Variants in ATXN1 observed in about 807,000 individuals in gnomAD.
The protein encoded by ATXN1 is ataxin 1.
Under a neutral mutation model 56.4 loss-of-function variants are expected in ATXN1, and 8 were observed. The observed-to-expected ratio is 0.14, with a 90% CI of 0.08 to 0.26. The LOEUF (loss-of-function observed/expected upper bound fraction) is 0.26, where lower values mean the gene tolerates loss of function less well. Among genes scored for constraint, ATXN1 ranks in the 10% least tolerant of loss-of-function variants. ATXN1 has a pLI of 1.00. For synonymous variants in ATXN1, 514 were observed against 494.6 expected (o/e 1.04, Z -0.52); for missense variants, 987 against 1,106.5 (o/e 0.89, Z 1.53).
rs974849640 is a variant in ATXN1, at chr6:16,604,412, T to C, written c.-488-18505A>G. 1.6e-4 allele frequency among the ~76,000 whole-genome samples: 25 copies of C among 151,662 alleles called. 1 individual carries two copies. Among genetic ancestry groups the C allele is most frequent in the African/African-American group, 5.3e-4 (22 of 41,344 alleles). On this transcript the variant is annotated intron_variant, in intron 3 of 7. Transcript: ENST00000436367. ...TCAACTGACTGAGGTGGTAGGACCA[T>C]TGCTTGAGCCCAGGAGTTCGAGGCT...
At chr6:16,624,900 A>G (rs1763381640) in intron 3 of ATXN1, among the ~76,000 whole-genome samples, 2 of 152,210 alleles carry the variant, frequency 1.3e-5, no homozygotes, top group African/African-American at 4.8e-5. Flanking sequence ...ATTCTCATCA[A>G]ACTGCAGCTT....
At chr6:16,660,565 T>C (rs1416148093) in intron 2 of ATXN1, among the ~76,000 whole-genome samples, 1 of 152,216 alleles carries the variant, frequency 6.6e-6, no homozygotes, top group Non-Finnish European at 1.5e-5. Flanking sequence ...GCCTTTTAAA[T>C]AAAATTAGTT....
intron 2 of ATXN1, among the ~76,000 whole-genome samples, chr6:16,660,503 T>C (rs761135293): frequency 1.3e-5 from 2 of 152,232 alleles, no homozygotes; most frequent in Non-Finnish European, 2.9e-5. Flanking sequence ...TCATGAAATA[T>C]ACTTTTTAGT....
chr6:16,679,303 G>T, intron 2 of ATXN1, among the ~76,000 whole-genome samples: 1 of 150,926 alleles, frequency 6.6e-6, no homozygotes. Flanking sequence ...TGGATGGATG[G>T]ATGGATGGAT....
At chr6:16,692,242 C>T (rs1379099938) in intron 2 of ATXN1, among the ~76,000 whole-genome samples, 2 of 152,150 alleles carry the variant, frequency 1.3e-5, no homozygotes, top group South Asian at 2.1e-4. Flanking sequence ...GGCGACTGAG[C>T]GAGACTCTGC....
Position 16,304,027 on chromosome 6 carries a change from A to G in ATXN1, c.*2302T>C, listed in dbSNP as rs576199358. ...GCTGAGAGGGTAATGAAATTCGAGG[A>G]AAGTCAAGGAACTATTCTAGCTATT... is the stretch of plus-strand genomic sequence containing the variant. On this transcript the variant is annotated 3_prime_UTR_variant, in exon 8 of 8. Coordinates refer to ENST00000436367, the MANE Select transcript of ATXN1 (RefSeq NM_001128164.2). 11 of 152,570 alleles carry G rather than the reference A, an allele frequency of 7.2e-5. No individual in the cohort carries two copies. In the South Asian group the frequency reaches 1.7e-3, roughly 23 times the overall value. 9.5% of individuals were successfully genotyped at this position (152,570 alleles called of 1,614,324 possible).
intron 3 of ATXN1, among the ~76,000 whole-genome samples, chr6:16,586,645 A>C (rs1328373413): frequency 2.0e-5 from 3 of 152,214 alleles, no homozygotes; most frequent in Non-Finnish European, 2.9e-5. Context: ...CCAACAGTTC[A>C]CAGAGGTCAT....
chr6:16,318,052 C>T (rs968010345), intron 7 of ATXN1, among the ~76,000 whole-genome samples: 1 of 152,200 alleles, frequency 6.6e-6, no homozygotes, highest in Non-Finnish European at 1.5e-5. Flanking sequence ...TATCTAAACA[C>T]TATGCACATA....
intron 5 of ATXN1, among the ~76,000 whole-genome samples, chr6:16,510,447 C>T (rs1454248358): frequency 1.3e-5 from 2 of 152,114 alleles, no homozygotes; most frequent in Non-Finnish European, 1.5e-5. Flanking sequence ...TAATGCTTTA[C>T]CTATATAAAA....
intron 3 of ATXN1, chr6:16,653,018 G>C (rs1758100451): frequency 6.6e-6 from 1 of 152,212 alleles, no homozygotes; most frequent in East Asian, 1.9e-4. Flanking sequence ...CCAAATAAAA[G>C]AGAAAAAGTT....
At chr6:16,424,974 T>C (rs1227878386) in intron 6 of ATXN1, among the ~76,000 whole-genome samples, 2 of 152,162 alleles carry the variant, frequency 1.3e-5, no homozygotes, top group Non-Finnish European at 2.9e-5. Context: ...ACTCAGGGCC[T>C]TCCATGAATG....
At chr6:16,626,834 A>G (rs891387472) in intron 3 of ATXN1, among the ~76,000 whole-genome samples, 8 of 152,200 alleles carry the variant, frequency 5.3e-5, no homozygotes, top group African/African-American at 1.9e-4. Flanking sequence ...AGACTGGGAC[A>G]CAGACTTGGA....
At chr6:16,322,938 G>A (rs1205758257) in intron 7 of ATXN1, among the ~76,000 whole-genome samples, 3 of 152,198 alleles carry the variant, frequency 2.0e-5, no homozygotes, top group African/African-American at 7.2e-5. Context: ...TGCCTTTTCA[G>A]CAGGTCTCAG....
intron 1 of ATXN1, among the ~76,000 whole-genome samples, chr6:16,757,461 C>A (rs531746725): frequency 1.3e-5 from 2 of 152,256 alleles, no homozygotes; most frequent in East Asian, 3.9e-4. Context: ...ATCTATTTAC[C>A]ACCTTATAAA....
intron 6 of ATXN1, among the ~76,000 whole-genome samples, chr6:16,395,909 G>C (rs2113528381): frequency 6.6e-6 from 1 of 151,820 alleles, no homozygotes; most frequent in Admixed American, 6.6e-5. Context: ...CAGCTCTTCG[G>C]GTGGCTGAGG....
intron 4 of ATXN1, among the ~76,000 whole-genome samples, chr6:16,536,954 C>T (rs1047925043): frequency 5.3e-5 from 8 of 152,060 alleles, no homozygotes; most frequent in African/African-American, 1.4e-4. Context: ...ACATTTATAA[C>T]ACATGTATTT....
chr6:16,326,832 C>T lies in ATXN1; in HGVS notation c.1479G>A (p.Pro493=), dbSNP rs746241982. The part of the protein sequence containing the change: ...VIPGTQPLLI[P]VGSTDMEASG... The stretch of plus-strand genomic sequence containing the variant: ...ACGCTTCCATGTCAGTGCTGCCGAC[C>T]GGGATGAGCAGGGGCTGTGTGCCGG... The change falls in exon 7 of 8, where the codon CCG becomes CCA. Residue 493 remains proline (P), a synonymous_variant. Coordinates refer to ENST00000436367, the MANE Select transcript of ATXN1 (RefSeq NM_001128164.2). This position sits in a 1 kb window ranked among gnomAD's most constrained non-coding sequence, Gnocchi z 6.6. 1.3e-5 allele frequency: 21 copies of T among 1,606,844 alleles called. No individual in the cohort carries two copies. In the East Asian group the frequency reaches 1.6e-4, roughly 12 times the overall value.
chr6:16,585,996 T>A (rs1408161653), intron 3 of ATXN1, 89 bp from the exon 4 acceptor site: 1 of 151,908 alleles, frequency 6.6e-6, no homozygotes, highest in Non-Finnish European at 1.5e-5. Context: ...ACGGGAAACA[T>A]CATATTGCAT....
At chr6:16,347,954 C>G (rs973076157) in intron 6 of ATXN1, among the ~76,000 whole-genome samples, 8 of 152,196 alleles carry the variant, frequency 5.3e-5, no homozygotes, top group Admixed American at 5.2e-4. Context: ...AGCTATAACA[C>G]TCACCGGAAA....
Sources: allele counts gnomAD v4.1 joint callset (sites outside exome capture counted in the v4.1 genomes callset), GRCh38; gene constraint gnomAD v4.1.1; non-coding constraint Gnocchi (gnomAD v3.1); transcripts MANE v1.5; gene names NCBI Gene and HGNC (gene_info 2026-07-23, HGNC 2026-07-21).